NIBAN2: variants seen among roughly 807,000 people sequenced by gnomAD.
The protein encoded by NIBAN2 is niban apoptosis regulator 2, also known as protein Niban 2.
NIBAN2 carries 36 observed loss-of-function variants against 81.8 expected under a neutral mutation model. The observed-to-expected ratio is 0.44, with a 90% CI of 0.34 to 0.58. NIBAN2 has a LOEUF of 0.58. Among genes scored for constraint, NIBAN2 ranks in the 20% least tolerant of loss-of-function variants. The pLI is 0.02. For synonymous variants in NIBAN2, 445 were observed against 441.6 expected (o/e 1.01, Z -0.10); for missense variants, 897 against 1,014.1 (o/e 0.88, Z 1.57).
Position 127,549,393 on chromosome 9 carries a change from A to G in NIBAN2, c.56-17615T>C, listed in dbSNP as rs540625907. ...CTCACATGTGCATGCACATGCACGC[A>G]CACACACTCACATGCACGCCCACAC... On this transcript the variant is annotated intron_variant, in intron 1 of 13. Coordinates refer to ENST00000373312, the MANE Select transcript of NIBAN2 (RefSeq NM_022833.4). Among the ~76,000 whole-genome samples, 4 of 151,992 alleles carry G rather than the reference A, an allele frequency of 2.6e-5. No homozygotes were observed. In the South Asian group the frequency reaches 8.3e-4, roughly 32 times the overall value.
At chr9:127,540,770 C>T (rs543784564) in intron 1 of NIBAN2, among the ~76,000 whole-genome samples, 1 of 152,382 alleles carries the variant, frequency 6.6e-6, no homozygotes, top group East Asian at 1.9e-4. Flanking sequence ...ATGGGGGCTG[C>T]ACGCCGGCGC....
chr9:127,557,294 T>TAAA (rs1837688783), intron 1 of NIBAN2, among the ~76,000 whole-genome samples: 1 of 152,052 alleles, frequency 6.6e-6, no homozygotes, highest in African/African-American at 2.4e-5. Context: ...TGACACATGG[T>TAAA]TAGTAGCAAG....
chr9:127,515,207 C>T (rs61283754), intron 8 of NIBAN2, among the ~76,000 whole-genome samples: 2,051 of 152,036 alleles, frequency 0.013, 49 homozygotes, highest in African/African-American at 0.048. Context: ...GAAGACAGAG[C>T]GAGACTCTGT....
upstream of NIBAN2, among the ~76,000 whole-genome samples, chr9:127,571,438 C>T (rs1175354489): frequency 6.6e-6 from 1 of 152,174 alleles, no homozygotes; most frequent in Non-Finnish European, 1.5e-5. Context: ...TGGCTCACGC[C>T]TGTAATCTCA....
intron 1 of NIBAN2, among the ~76,000 whole-genome samples, chr9:127,565,946 T>TCTCTCTCTCTCACA (rs751937125): frequency 1.1e-4 from 15 of 130,618 alleles, no homozygotes; most frequent in African/African-American, 4.5e-4. Flanking sequence ...TCTCTCTCTC[T>TCTCTCTCTCTCACA]CACACACACA....
Position 127,517,324 on chromosome 9 carries a change from G to A in NIBAN2, c.706-108C>T, listed in dbSNP as rs558658816. The A allele has an allele frequency of 6.3e-5, 55 of 867,540 alleles. No homozygotes were observed. Among genetic ancestry groups the A allele is most frequent in the South Asian group, 5.5e-4 (34 of 61,444 alleles). 53.7% of individuals were successfully genotyped at this position (867,540 alleles called of 1,614,324 possible). A position where few individuals can be genotyped will look rare whatever the true frequency, so the allele number is the denominator to read the frequency against. ...CCGCTGCAGCCCCCACCTCCTCCGC[G>A]ACTGGCCCATTGCTTCACCCTCCCT... On this transcript the variant is annotated intron_variant, in intron 6 of 13. Coordinates refer to ENST00000373312, the MANE Select transcript of NIBAN2 (RefSeq NM_022833.4). The surrounding 1 kb of genome is among the most constrained non-coding windows in gnomAD (Gnocchi z 4.0).
rs759229840 is a variant in NIBAN2, at chr9:127,516,938, G to C, written c.892C>G (p.Gln298Glu). Residue 298 changes from glutamine (Q) to glutamate (E), a missense_variant, in exon 8 of 14, where the codon CAG (glutamine) becomes GAG (glutamate). Gln to Glu is a conservative substitution (Grantham distance 29). This residue lies in a region of NIBAN2 where 619 missense variants were observed against 691.0 expected (regional missense o/e 0.90). Coordinates refer to ENST00000373312, the MANE Select transcript of NIBAN2 (RefSeq NM_022833.4). ...EEVLSKVQQV[Q>E]PAMQAVIRTD... ...CGGATGACGGCCTGCATGGCCGGCT[G>C]CACCTGCTGCACCTTGGACAGCACC... is the stretch of plus-strand genomic sequence containing the variant. 6 of 1,614,164 alleles carry C rather than the reference G, an allele frequency of 3.7e-6. No individual in the cohort carries two copies. In the South Asian group the frequency reaches 6.6e-5, roughly 18 times the overall value.
At chr9:127,566,075 T>C (rs1231330302) in intron 1 of NIBAN2, among the ~76,000 whole-genome samples, 1 of 151,366 alleles carries the variant, frequency 6.6e-6, no homozygotes, top group East Asian at 1.9e-4. Flanking sequence ...GAGGCTGCAA[T>C]TAGCTATGAT....
chr9:127,573,549 G>A (rs756383174), upstream of NIBAN2, among the ~76,000 whole-genome samples: 2 of 151,612 alleles, frequency 1.3e-5, no homozygotes, highest in Non-Finnish European at 2.9e-5. Context: ...CTAAAATGCT[G>A]GAAACCCCTG....
chr9:127,576,106 C>T (rs1317558145), intron 1 of NIBAN2, among the ~76,000 whole-genome samples: 1 of 152,148 alleles, frequency 6.6e-6, no homozygotes, highest in Non-Finnish European at 1.5e-5. Flanking sequence ...ACATCACTAG[C>T]GTCAGTCGCA....
chr9:127,568,586 G>A (rs951053616), intron 1 of NIBAN2, among the ~76,000 whole-genome samples: 1 of 151,950 alleles, frequency 6.6e-6, no homozygotes, highest in Non-Finnish European at 1.5e-5. Context: ...CGGGAGAGAA[G>A]GAGTTCCGAG....
chr9:127,577,055 T>TCACGCACTTTCAGAGGCC (rs1401886321), intron 1 of NIBAN2, among the ~76,000 whole-genome samples: 3 of 151,798 alleles, frequency 2.0e-5, no homozygotes, highest in African/African-American at 7.2e-5. Flanking sequence ...GTGCAGTGGC[T>TCACGCACTTTCAGAGGCC]CACGCACTTT....
intron 1 of NIBAN2, chr9:127,561,379 G>C (rs1020246826): frequency 2.8e-6 from 2 of 711,442 alleles, no homozygotes; most frequent in South Asian, 1.3e-4. Flanking sequence ...TGTCAAGTTA[G>C]CTCAATAAAG....
chr9:127,531,623 C>T, intron 2 of NIBAN2, 25 bp downstream of exon 2: 1 of 1,607,618 alleles, frequency 6.2e-7, no homozygotes, highest in African/African-American at 1.3e-5. Context: ...GCAGAACATA[C>T]CCGAGCCCTC....
upstream of NIBAN2, among the ~76,000 whole-genome samples, chr9:127,573,801 G>C (rs1837976619): frequency 6.6e-6 from 1 of 152,152 alleles, no homozygotes; most frequent in African/African-American, 2.4e-5. Flanking sequence ...GGGATTACAG[G>C]CACCTGCCAC....
chr9:127,530,600 T>C (rs571042313), intron 2 of NIBAN2, among the ~76,000 whole-genome samples: 3 of 152,310 alleles, frequency 2.0e-5, no homozygotes, highest in East Asian at 3.9e-4. Flanking sequence ...TCAACAAATA[T>C]GTCCTTAGCA....
chr9:127,567,299 G>A (rs1447825258), intron 1 of NIBAN2, among the ~76,000 whole-genome samples: 1 of 152,180 alleles, frequency 6.6e-6, no homozygotes, highest in Non-Finnish European at 1.5e-5. Context: ...AGAGCCCCAG[G>A]AGCTTGCTGC....
intron 1 of NIBAN2, among the ~76,000 whole-genome samples, chr9:127,554,548 C>CTTTCTTTTTTTTTTTTT (rs1837632346): frequency 9.6e-6 from 1 of 103,704 alleles, no homozygotes; most frequent in Non-Finnish European, 1.8e-5. Context: ...TTTTCTTTTT[C>CTTTCTTTTTTTTTTTTT]TTTTTTTTTT....
chr9:127,511,376 T>C (rs1836733364), intron 8 of NIBAN2, among the ~76,000 whole-genome samples: 1 of 152,162 alleles, frequency 6.6e-6, no homozygotes, highest in Admixed American at 6.5e-5. Flanking sequence ...ATTATTATTA[T>C]TTTAAGAGGC....
Sources: allele counts gnomAD v4.1 joint callset (sites outside exome capture counted in the v4.1 genomes callset), GRCh38; gene constraint gnomAD v4.1.1; regional missense constraint gnomAD v4.1.1; non-coding constraint Gnocchi (gnomAD v3.1); transcripts MANE v1.5; gene names NCBI Gene and HGNC (gene_info 2026-07-23, HGNC 2026-07-21).